EYS: variants seen among roughly 807,000 people sequenced by gnomAD.
EYS encodes the protein EGF-like photoreceptor maintenance factor, also known as protein eyes shut homolog.
EYS carries 250 observed loss-of-function variants against 282.1 expected under a neutral mutation model. That is an observed-to-expected ratio of 0.89 (90% CI 0.80 to 0.98). The LOEUF (loss-of-function observed/expected upper bound fraction) is 0.98. Among genes scored for constraint, EYS ranks in the 50% least tolerant of loss-of-function variants. The pLI, the probability that EYS is intolerant of heterozygous loss-of-function variation, is 0.00. For synonymous variants in EYS, 1,355 were observed against 1,282.9 expected (o/e 1.06, Z -1.20); for missense variants, 4,016 against 3,709.0 (o/e 1.08, Z -2.15).
At chr6:63,948,599 T>C (rs1765468876) in intron 35 of EYS, among the ~76,000 whole-genome samples, 1 of 143,044 alleles carries the variant, frequency 7.0e-6, no homozygotes, top group Admixed American at 7.3e-5. Context: ...CTCCCTGATT[T>C]CCTTTCTCCT....
At chr6:63,827,109 G>A (rs755506991) in intron 36 of EYS, among the ~76,000 whole-genome samples, 15 of 152,166 alleles carry the variant, frequency 9.9e-5, no homozygotes, top group Non-Finnish European at 1.9e-4. Context: ...CACCAAAAGC[G>A]AGCAGGGGTA....
At chr6:64,440,976 G>A (rs1774924203) in intron 26 of EYS, among the ~76,000 whole-genome samples, 1 of 152,066 alleles carries the variant, frequency 6.6e-6, no homozygotes, top group Non-Finnish European at 1.5e-5. Flanking sequence ...GCCCCTATCG[G>A]AACATGAATT....
chr6:65,678,248 A>C (rs1768694425), intron 1 of EYS, among the ~76,000 whole-genome samples: 1 of 151,912 alleles, frequency 6.6e-6, no homozygotes, highest in Non-Finnish European at 1.5e-5. Flanking sequence ...ATCTGCCCCC[A>C]TGAGCCAAAC....
intron 12 of EYS, among the ~76,000 whole-genome samples, chr6:65,288,402 G>A (rs1171903737): frequency 1.3e-5 from 2 of 150,434 alleles, no homozygotes; most frequent in Non-Finnish European, 3.0e-5. Context: ...ACAAAGAGGA[G>A]TCAAAGTTAT....
intron 1 of EYS, 61 bp from the exon 2 acceptor site, chr6:65,639,953 G>A (rs978971001): frequency 1.3e-5 from 2 of 152,096 alleles, no homozygotes; most frequent in Non-Finnish European, 1.5e-5. Flanking sequence ...TCATCCCTAA[G>A]CTCTCCCACA....
intron 26 of EYS, among the ~76,000 whole-genome samples, chr6:64,562,229 TC>T (rs1765419460): frequency 6.6e-6 from 1 of 151,938 alleles, no homozygotes; most frequent in African/African-American, 2.4e-5. Context: ...ATTATCTTAT[TC>T]TTTTCCTTAT....
At chr6:64,749,814 TC>T (rs759069615) in intron 22 of EYS, among the ~76,000 whole-genome samples, 48 of 152,264 alleles carry the variant, frequency 3.2e-4, no homozygotes, top group East Asian at 2.1e-3. Context: ...TGTCTTTTTT[TC>T]ATACATATTT....
intron 29 of EYS, among the ~76,000 whole-genome samples, chr6:64,377,269 A>C (rs1772591367): frequency 6.6e-6 from 1 of 152,198 alleles, no homozygotes; most frequent in Non-Finnish European, 1.5e-5. Flanking sequence ...TAGTGAATCC[A>C]AAGAAACATA....
chr6:64,932,572 A>G lies in EYS; in HGVS notation c.2381+13221T>C, dbSNP rs548217738. ...AAAAAATCCTGGAAAACTAGAAAAC[A>G]TCACAGCATGCAAGTCTATAAACAG... On this transcript the variant is annotated intron_variant, in intron 15 of 42. Transcript: ENST00000503581. 1.2e-4 allele frequency among the ~76,000 whole-genome samples: 19 copies of G among 152,070 alleles called. No individual in the cohort carries two copies. The South Asian group carries it at 3.9e-3, about 32-fold the overall frequency.
At chr6:64,894,504 T>C (rs759776495) in intron 18 of EYS, among the ~76,000 whole-genome samples, 4 of 152,160 alleles carry the variant, frequency 2.6e-5, no homozygotes, top group Admixed American at 6.5e-5. Context: ...ATGAAATGTA[T>C]AGTTCTGGAG....
chr6:63,788,347 A>C (rs1009002748), intron 38 of EYS, 98 bp from the exon 39 acceptor site: 2 of 975,548 alleles, frequency 2.1e-6, no homozygotes, highest in Admixed American at 3.2e-5. Flanking sequence ...TTGGCATGAA[A>C]AATTTACAAA....
At chr6:64,819,061 T>A (rs896375148) in intron 21 of EYS, among the ~76,000 whole-genome samples, 1 of 152,158 alleles carries the variant, frequency 6.6e-6, no homozygotes, top group African/African-American at 2.4e-5. Context: ...GTACTGCCTA[T>A]CTTTCTCCAT....
chr6:65,668,913 A>G (rs996146234), intron 1 of EYS, among the ~76,000 whole-genome samples: 2 of 151,936 alleles, frequency 1.3e-5, no homozygotes, highest in African/African-American at 4.8e-5. Context: ...TTGGGCAATT[A>G]CTGCCACTGC....
intron 29 of EYS, among the ~76,000 whole-genome samples, chr6:64,387,910 A>C (rs1423703181): frequency 6.6e-6 from 1 of 152,096 alleles, no homozygotes; most frequent in African/African-American, 2.4e-5. Context: ...TGATATTTAC[A>C]GTAACTAGAT....
chr6:64,892,740 T>C (rs1767328198), intron 18 of EYS, among the ~76,000 whole-genome samples: 1 of 152,104 alleles, frequency 6.6e-6, no homozygotes, highest in African/African-American at 2.4e-5. Context: ...TGCATGTGGG[T>C]GTGAATCTGA....
rs549448365 is a variant in EYS, at chr6:64,793,278, C to T, written c.3443+20100G>A. 1.2e-4 allele frequency among the ~76,000 whole-genome samples: 18 copies of T among 152,178 alleles called. No individual in the cohort carries two copies. The South Asian group carries it at 2.5e-3, about 21-fold the overall frequency. On this transcript the variant is annotated intron_variant, in intron 22 of 42. Coordinates refer to ENST00000503581, the MANE Select transcript of EYS (RefSeq NM_001142800.2). ...AGCTAGTGTTAGCTATATTCCACTA[C>T]ATGTTTTGGGTAAATTATATGCTAT... is the stretch of plus-strand genomic sequence containing the variant.
chr6:64,517,309 T>C (rs1274834939), intron 26 of EYS, among the ~76,000 whole-genome samples: 2 of 151,782 alleles, frequency 1.3e-5, no homozygotes, highest in Non-Finnish European at 2.9e-5. Context: ...TTGAGGGATG[T>C]CTAACTGTAC....
chr6:65,130,970 T>G (rs1468029357), intron 12 of EYS, among the ~76,000 whole-genome samples: 4 of 151,514 alleles, frequency 2.6e-5, no homozygotes, highest in Non-Finnish European at 4.4e-5. Context: ...AGAAATAAAC[T>G]ATTTGGGACA....
intron 26 of EYS, among the ~76,000 whole-genome samples, chr6:64,483,710 C>T (rs1776500393): frequency 6.6e-6 from 1 of 151,612 alleles, no homozygotes; most frequent in Non-Finnish European, 1.5e-5. Flanking sequence ...TAGCAAGTCA[C>T]TTGCCCTCAG....
Sources: allele counts gnomAD v4.1 joint callset (sites outside exome capture counted in the v4.1 genomes callset), GRCh38; gene constraint gnomAD v4.1.1; transcripts MANE v1.5; gene names NCBI Gene and HGNC (gene_info 2026-07-23, HGNC 2026-07-21).